The following HNF1B variants were observed in gnomAD, a reference collection of about 807,000 sequenced individuals.
HNF1B encodes hepatocyte nuclear factor 1-beta.
In HNF1B, 8 loss-of-function variants were observed where a neutral mutation model predicts 61.7. The ratio of observed to expected loss-of-function variants is 0.13; its 90% CI spans 0.08 to 0.23. The LOEUF is 0.23. HNF1B is among the 10% of genes least tolerant of loss of function. HNF1B has a pLI of 1.00. For missense variants in HNF1B, 562 were observed against 714.5 expected (o/e 0.79, Z 2.43); for synonymous variants, 314 against 287.7 (o/e 1.09, Z -0.93).
intron 2 of HNF1B, among the ~76,000 whole-genome samples, chr17:37,738,518 G>C (rs1318625356): frequency 6.6e-6 from 1 of 152,200 alleles, no homozygotes; most frequent in Non-Finnish European, 1.5e-5. Flanking sequence ...TAAAGCCAGA[G>C]GATAGTGTGT....
intron 8 of HNF1B, among the ~76,000 whole-genome samples, chr17:37,693,189 CAAAAAAAA>C (rs11464180): frequency 1.0e-4 from 5 of 47,762 alleles, no homozygotes; most frequent in African/African-American, 4.0e-4. Context: ...GATTCCATCT[CAAAAAAAA>C]AAAAAAAAAA....
At chr17:37,696,184 C>T (rs928497438) in intron 8 of HNF1B, among the ~76,000 whole-genome samples, 1 of 152,102 alleles carries the variant, frequency 6.6e-6, no homozygotes, top group Admixed American at 6.5e-5. Context: ...GTGGCTCACA[C>T]CTGTAATCCC....
chr17:37,744,865 G>A lies in HNF1B; in HGVS notation c.20C>T (p.Ser7Leu), dbSNP rs2034126576. 6.4e-7 allele frequency: 1 copy of A among 1,571,774 alleles called. No individual in the cohort carries two copies. Among genetic ancestry groups the A allele is most frequent in the East Asian group, 2.4e-5 (1 of 41,066 alleles). Residue 7 changes from serine to leucine, a missense_variant, in exon 1 of 9, where the codon TCG (serine) becomes TTG (leucine). This residue lies in a region of HNF1B where 148 missense variants were observed against 147.3 expected (regional missense o/e 1.00). Transcript: ENST00000617811. ...GGCGCTCAGGAGTTCTTGCTGGAGC[G>A]ACGTGAGCTTGGACACCATTTTCCA... MVSKLT[S>L]LQQELLSALL...
At chr17:37,706,760 G>A (rs1005632181) in intron 5 of HNF1B, among the ~76,000 whole-genome samples, 1 of 151,336 alleles carries the variant, frequency 6.6e-6, no homozygotes, top group African/African-American at 2.4e-5. Context: ...AGTCAACCAA[G>A]TGACAGTAAT....
At chr17:37,713,023 G>A (rs747090648) in intron 4 of HNF1B, among the ~76,000 whole-genome samples, 27 of 152,314 alleles carry the variant, frequency 1.8e-4, no homozygotes, top group Middle Eastern at 6.8e-3. Flanking sequence ...CTTTGCCCTG[G>A]AAGCAACCTG....
rs1219160117 is a variant in HNF1B at position 37,738,563 on chromosome 17, A to C, written c.544+877T>G. ...GAAAACCGATACAAATTTTCCAGGA[A>C]AAGGATTGGATCAAAGTAATGAAAG... On this transcript the variant is annotated intron_variant, in intron 2 of 8. Coordinates refer to ENST00000617811, the MANE Select transcript of HNF1B (RefSeq NM_000458.4). Among the ~76,000 whole-genome samples the C allele has an allele frequency of 3.3e-5, 5 of 152,228 alleles. No homozygotes were observed. The East Asian group carries it at 9.6e-4, about 29-fold the overall frequency.
intron 4 of HNF1B, among the ~76,000 whole-genome samples, chr17:37,712,217 G>T (rs1023683011): frequency 6.6e-6 from 1 of 152,184 alleles, no homozygotes; most frequent in Non-Finnish European, 1.5e-5. Flanking sequence ...TTGAATCAAG[G>T]AGCTGCTAGT....
chr17:37,707,769 C>G (rs2032799150), intron 5 of HNF1B, among the ~76,000 whole-genome samples: 1 of 144,438 alleles, frequency 6.9e-6, no homozygotes, highest in Non-Finnish European at 1.5e-5. Flanking sequence ...TGTTCTCTCT[C>G]TTTTTTTTTT....
rs1479735588 is a variant in HNF1B, at chr17:37,733,924, G to A, written c.545-103C>T. 2.7e-5 allele frequency: 37 copies of A among 1,383,684 alleles called. No individual in the cohort carries two copies. In the East Asian group the frequency reaches 4.4e-4, roughly 16 times the overall value. The allele number at this position is 1,383,684 out of a possible 1,614,324, so 85.7% of individuals were successfully genotyped here. ...GGACGAAGACACCTTTATTCCCCTC[G>A]TCTAACTAAGCTTTGCAACCTTCTC... On this transcript the variant is annotated intron_variant, in intron 2 of 8. Coordinates refer to ENST00000617811, the MANE Select transcript of HNF1B (RefSeq NM_000458.4).
chr17:37,727,191 T>C (rs2033527816), intron 4 of HNF1B, among the ~76,000 whole-genome samples: 1 of 152,148 alleles, frequency 6.6e-6, no homozygotes, highest in African/African-American at 2.4e-5. Context: ...TCTGACCTTT[T>C]AGGGGCCTTT....
chr17:37,721,719 CTTTT>C (rs200443525), intron 4 of HNF1B, among the ~76,000 whole-genome samples: 4 of 144,440 alleles, frequency 2.8e-5, no homozygotes, highest in Non-Finnish European at 4.6e-5. Flanking sequence ...ATCTCTCTCT[CTTTT>C]TTTTTTTTTT....
At position 37,744,059 on chromosome 17, in the gene HNF1B, C is replaced by T. The variant is rs569721147; in HGVS notation, c.344+482G>A. Among the ~76,000 whole-genome samples, 3 of 152,372 alleles carry T rather than the reference C, an allele frequency of 2.0e-5. No homozygotes were observed. In the South Asian group the frequency reaches 6.2e-4, roughly 32 times the overall value. On this transcript the variant is annotated intron_variant, in intron 1 of 8. Coordinates refer to ENST00000617811, the MANE Select transcript of HNF1B (RefSeq NM_000458.4). ...GCTCCGGATGCCGCCTGTCCTTCGG[C>T]AAAGAACTGCAGGTCATCATGCAGG...
intron 7 of HNF1B, 97 bp downstream of exon 7, chr17:37,700,885 GC>G: frequency 8.8e-7 from 1 of 1,133,344 alleles, no homozygotes; most frequent in Non-Finnish European, 1.3e-6. Flanking sequence ...AAGTGACCAA[GC>G]CAATAAACTT....
At chr17:37,742,382 A>G (rs960257831) in intron 1 of HNF1B, among the ~76,000 whole-genome samples, 41 of 152,156 alleles carry the variant, frequency 2.7e-4, no homozygotes, top group African/African-American at 9.7e-4. Context: ...GAGGTTTACT[A>G]GAACTCCGGG....
intron 8 of HNF1B, among the ~76,000 whole-genome samples, chr17:37,696,442 A>G (rs1484236619): frequency 1.3e-5 from 2 of 152,160 alleles, no homozygotes; most frequent in African/African-American, 4.8e-5. Context: ...GTCTCAAAAC[A>G]TAAAAATATA....
At chr17:37,736,221 G>C (rs1380135196) in intron 2 of HNF1B, among the ~76,000 whole-genome samples, 1 of 152,238 alleles carries the variant, frequency 6.6e-6, no homozygotes, top group South Asian at 2.1e-4. Flanking sequence ...CTCCCCGTGG[G>C]CCCTGTGTGG....
chr17:37,706,708 C>T (rs1296564385), intron 5 of HNF1B, among the ~76,000 whole-genome samples: 1 of 150,804 alleles, frequency 6.6e-6, no homozygotes, highest in African/African-American at 2.4e-5. Context: ...CGTAGCCTGC[C>T]CTCAGACTGA....
In HNF1B at chr17:37,688,510, A is replaced by T. The variant is rs371540132; in HGVS notation, c.1654-1118T>A. The stretch of plus-strand genomic sequence containing the variant: ...CCTATATGAGGATACCATTATGTCT[A>T]TTTGACAAATTAGGAAAACAAGGCT... On this transcript the variant is annotated intron_variant, in intron 8 of 8. Coordinates refer to ENST00000617811, the MANE Select transcript of HNF1B (RefSeq NM_000458.4). Among the ~76,000 whole-genome samples, 50 of 152,166 alleles carry T rather than the reference A, an allele frequency of 3.3e-4. 2 individuals carry two copies. In the East Asian group the frequency reaches 6.9e-3, roughly 21 times the overall value.
intron 4 of HNF1B, among the ~76,000 whole-genome samples, chr17:37,718,389 G>A (rs1701134973): frequency 6.6e-6 from 1 of 152,188 alleles, no homozygotes; most frequent in Admixed American, 6.5e-5. Context: ...TGCTGCTGTA[G>A]GTAAAAGGAA....
Sources: gnomAD v4.1 joint callset for allele counts (sites outside exome capture counted in the v4.1 genomes callset) on GRCh38, gnomAD v4.1.1 for gene constraint, gnomAD v4.1.1 regional missense constraint, MANE v1.5 for transcripts, NCBI Gene and HGNC (gene_info 2026-07-23, HGNC 2026-07-21) for gene names.